The following HORMAD1 variants were observed in gnomAD, a reference collection of about 807,000 sequenced individuals.
HORMAD1 encodes HORMA domain-containing protein 1.
A neutral mutation model predicts 58.2 loss-of-function variants in HORMAD1; 33 were observed. That is an observed-to-expected ratio of 0.57 (90% confidence interval 0.43 to 0.76). The LOEUF (loss-of-function observed/expected upper bound fraction) is 0.76. Ranked by LOEUF, HORMAD1 falls within the 30% of genes least tolerant of loss-of-function variation. The pLI, the probability that HORMAD1 is intolerant of heterozygous loss-of-function variation, is 0.00. For missense variants in HORMAD1, 363 were observed against 462.0 expected, an observed-to-expected ratio of 0.79 and a Z score of 1.96; for synonymous variants, 137 against 144.6, an observed-to-expected ratio of 0.95 and a Z score of 0.38.
intron 1 of HORMAD1, 103 bp from the exon 2 acceptor site, chr1:150,719,641 G>A (rs1169302839): frequency 3.7e-6 from 2 of 545,802 alleles, no homozygotes; most frequent in Non-Finnish European, 6.4e-6. Flanking sequence ...GAATAAATTT[G>A]AATTTCTTTA....
chr1:150,720,781 A>G (rs910789503), intron 1 of HORMAD1, 23 bp downstream of exon 1: 15 of 152,280 alleles, frequency 9.9e-5, no homozygotes, highest in Admixed American at 5.9e-4. Flanking sequence ...ACACACAGAT[A>G]TATACACACT....
chr1:150,706,537 C>T lies in HORMAD1; in HGVS notation c.804+16G>A. The T allele has an allele frequency of 6.4e-7, 1 of 1,574,212 alleles. No individual in the cohort carries two copies. Among genetic ancestry groups the T allele is most frequent in the African/African-American group, 1.4e-5 (1 of 73,648 alleles). On this transcript the variant is annotated intron_variant, in intron 10 of 14. Coordinates refer to ENST00000361824, the MANE Select transcript of HORMAD1 (RefSeq NM_032132.5). ...TTTGTTATTATTGTTCTTTATAACT[C>T]TTGAAATACACTTACACTTGTATAA...
chr1:150,718,171 C>T (rs1287677972), intron 2 of HORMAD1, among the ~76,000 whole-genome samples: 1 of 151,998 alleles, frequency 6.6e-6, no homozygotes, highest in Non-Finnish European at 1.5e-5. Context: ...TTCTTCATCC[C>T]AAAAAGGAAA....
At chr1:150,705,595 G>T (rs17658705) in intron 10 of HORMAD1, among the ~76,000 whole-genome samples, 58,474 of 151,628 alleles carry the variant, frequency 0.39, 11,579 homozygotes, top group South Asian at 0.55. Flanking sequence ...GTCATGTTAT[G>T]GTAGAAATTG....
chr1:150,714,564 A>G (rs587622898), intron 4 of HORMAD1, 51 bp downstream of exon 4: 10 of 1,031,478 alleles, frequency 9.7e-6, no homozygotes, highest in Admixed American at 2.5e-5. Context: ...TACAAAAAAA[A>G]GTAAAATGAG....
chr1:150,702,226 C>A (rs1387347254), intron 13 of HORMAD1, among the ~76,000 whole-genome samples: 2 of 152,100 alleles, frequency 1.3e-5, no homozygotes, highest in African/African-American at 4.8e-5. Context: ...CAATGAGATA[C>A]CATCTCATGC....
intron 3 of HORMAD1, among the ~76,000 whole-genome samples, chr1:150,716,463 A>T (rs1357733176): frequency 6.6e-6 from 1 of 150,906 alleles, no homozygotes; most frequent in Non-Finnish European, 1.5e-5. Flanking sequence ...CCCGGCCAGG[A>T]CCACATTTTA....
chr1:150,717,417 C>T (rs1051756790), intron 2 of HORMAD1, 135 bp from the exon 3 acceptor site: 5 of 454,146 alleles, frequency 1.1e-5, no homozygotes, highest in Non-Finnish European at 1.9e-5. Flanking sequence ...GTTAGTAATC[C>T]CCCAAAAGTC....
At chr1:150,704,237 G>C in intron 11 of HORMAD1, 40 bp downstream of exon 11, 1 of 1,540,454 alleles carries the variant, frequency 6.5e-7, no homozygotes, top group Admixed American at 1.9e-5. Flanking sequence ...ATAAAATTGA[G>C]TTGGAAGTGA....
intron 1 of HORMAD1, 91 bp from the exon 2 acceptor site, chr1:150,719,629 G>A (rs142968626): frequency 1.4e-4 from 84 of 581,460 alleles, no homozygotes; most frequent in African/African-American, 1.4e-3. Flanking sequence ...ACAATTTTAT[G>A]TGAATAAATT....
intron 7 of HORMAD1, among the ~76,000 whole-genome samples, chr1:150,711,075 GAT>G (rs1651862644): frequency 3.3e-5 from 5 of 152,158 alleles, no homozygotes; most frequent in Admixed American, 3.3e-4. Context: ...GCACTCAGTA[GAT>G]CTTTCCCCCT....
chr1:150,720,162 C>T (rs749411799), intron 1 of HORMAD1, among the ~76,000 whole-genome samples: 1 of 152,144 alleles, frequency 6.6e-6, no homozygotes. Flanking sequence ...GCAACCTCCC[C>T]CTCTGGGTTC....
chr1:150,716,150 C>CTTTTTTTTTT (rs752800084), intron 3 of HORMAD1, among the ~76,000 whole-genome samples: 1 of 68,732 alleles, frequency 1.5e-5, no homozygotes, highest in African/African-American at 6.7e-5. Context: ...CAAAGGACCA[C>CTTTTTTTTTT]TTTTTTTTTT....
rs752800084 is a variant in HORMAD1, at chr1:150,716,150, C to CTTT, written c.178+985_178+987dup. ...AGTGAAAGCCAGTCACAAAGGACCACTTTTTTTTTTTTTTTTTTTTTTTTT... is the reference window on the plus strand; with the variant it reads ...AGTGAAAGCCAGTCACAAAGGACCACTTTTTTTTTTTTTTTTTTTTTTTTTTTT... On this transcript the variant is annotated intron_variant, in intron 3 of 14. Transcript: ENST00000361824. Among the ~76,000 whole-genome samples the CTTT allele has an allele frequency of 2.1e-3, 145 of 68,776 alleles. 12 individuals are homozygous for CTTT. The highest frequency in any genetic ancestry group is 4.6e-3 in the African/African-American group (69 of 14,892). The allele number at this position is 68,776 out of a possible 152,430, so 45.1% of individuals were successfully genotyped here.
intron 2 of HORMAD1, among the ~76,000 whole-genome samples, chr1:150,717,933 G>A (rs895216394): frequency 1.3e-5 from 2 of 151,958 alleles, no homozygotes; most frequent in African/African-American, 2.4e-5. Flanking sequence ...GTGACAAAGC[G>A]AGACTCCATC....
At chr1:150,714,545 T>C (rs1652009983) in intron 4 of HORMAD1, 70 bp downstream of exon 4, 1 of 735,998 alleles carries the variant, frequency 1.4e-6, no homozygotes, top group Non-Finnish European at 2.1e-6. Flanking sequence ...ACACCAAAGG[T>C]ATCCAAGGTA....
At chr1:150,715,118 T>C (rs1423487762) in intron 3 of HORMAD1, among the ~76,000 whole-genome samples, 1 of 152,126 alleles carries the variant, frequency 6.6e-6, no homozygotes, top group Non-Finnish European at 1.5e-5. Context: ...ATTAATATTA[T>C]TAATGTAATT....
In HORMAD1 at chr1:150,698,744, G is replaced by T. The variant is rs202000008; in HGVS notation, c.1105-10C>A. The stretch of plus-strand genomic sequence containing the variant: ...CAAAGTGATGGAGGACCTGTCAAAA[G>T]AAAACAACTACTAAGAATAGATACT... On this transcript the variant is annotated splice_polypyrimidine_tract_variant and intron_variant, in intron 14 of 14. Coordinates refer to ENST00000361824, the MANE Select transcript of HORMAD1 (RefSeq NM_032132.5). 1.6e-5 allele frequency: 24 copies of T among 1,480,848 alleles called. No homozygotes were observed. The East Asian group carries it at 2.3e-4, about 14-fold the overall frequency. The allele number at this position is 1,480,848 out of a possible 1,614,324, so 91.7% of individuals were successfully genotyped here. A position where few individuals can be genotyped will look rare whatever the true frequency, so the allele number is the denominator to read the frequency against.
intron 13 of HORMAD1, 117 bp from the exon 14 acceptor site, chr1:150,700,300 C>T: frequency 1.6e-6 from 1 of 608,776 alleles, no homozygotes; most frequent in Admixed American, 2.5e-5. Context: ...TTTTTAGGGA[C>T]AGGGTCTCCC....
Sources: gnomAD v4.1 joint callset for allele counts (sites outside exome capture counted in the v4.1 genomes callset) on GRCh38, gnomAD v4.1.1 for gene constraint, MANE v1.5 for transcripts, NCBI Gene and HGNC (gene_info 2026-07-23, HGNC 2026-07-21) for gene names.